CCDC148: variants seen among roughly 807,000 people sequenced by gnomAD.
CCDC148 encodes the protein coiled-coil domain-containing protein 148.
Under a neutral mutation model 85.7 loss-of-function variants are expected in CCDC148, and 89 were observed. The observed-to-expected ratio is 1.04, with a 90% CI of 0.87 to 1.24. The LOEUF is 1.24. CCDC148 is among the 50% of genes most tolerant of loss of function. The pLI, the probability that CCDC148 is intolerant of heterozygous loss-of-function variation, is 0.00. For missense variants in CCDC148, 692 were observed against 671.7 expected, an observed-to-expected ratio of 1.03 and a Z score of -0.33; for synonymous variants, 230 against 213.9, an observed-to-expected ratio of 1.08 and a Z score of -0.66.
At chr2:158,178,125 C>T (rs568552540) in intron 12 of CCDC148, 5 of 152,156 alleles carry the variant, frequency 3.3e-5, no homozygotes, top group East Asian at 1.9e-4. Context: ...GAGTACACAA[C>T]CAGCTTGTAC....
chr2:158,294,454 T>C (rs188851237), intron 9 of CCDC148, among the ~76,000 whole-genome samples: 22 of 152,248 alleles, frequency 1.4e-4, no homozygotes, highest in Middle Eastern at 3.4e-3. Context: ...ATGAGTAGGA[T>C]TGCTGGGTCA....
At chr2:158,409,611 T>C (rs762920332) in intron 1 of CCDC148, among the ~76,000 whole-genome samples, 31 of 152,212 alleles carry the variant, frequency 2.0e-4, no homozygotes, top group Non-Finnish European at 3.8e-4. Context: ...GGCTTATAGG[T>C]GGAAGGGACT....
rs189034155 is a variant in CCDC148 at position 158,366,543 on chromosome 2, C to G, written c.26-7973G>C. ...TACAGATAGCCTCCAGCTGTCACCCCCTTCAGGTTAGGACTCAGCTGCAGA... is the reference window on the plus strand; with the variant it reads ...TACAGATAGCCTCCAGCTGTCACCCGCTTCAGGTTAGGACTCAGCTGCAGA... On this transcript the variant is annotated intron_variant, in intron 1 of 13. Transcript: ENST00000283233. 1.4e-4 allele frequency among the ~76,000 whole-genome samples: 22 copies of G among 152,264 alleles called. No individual in the cohort carries two copies. In the East Asian group the frequency reaches 2.1e-3, roughly 15 times the overall value.
At chr2:158,349,878 C>T (rs1683174963) in intron 2 of CCDC148, among the ~76,000 whole-genome samples, 1 of 152,072 alleles carries the variant, frequency 6.6e-6, no homozygotes, top group Non-Finnish European at 1.5e-5. Context: ...TTTAAAAGGA[C>T]AATTCCTCAT....
intron 9 of CCDC148, among the ~76,000 whole-genome samples, chr2:158,307,571 T>G (rs1691753460): frequency 6.6e-6 from 1 of 152,212 alleles, no homozygotes; most frequent in South Asian, 2.1e-4. Flanking sequence ...CCAATAGAAA[T>G]GAATGTATAT....
intron 7 of CCDC148, among the ~76,000 whole-genome samples, chr2:158,331,593 T>C (rs1032722828): frequency 7.0e-6 from 1 of 143,822 alleles, no homozygotes; most frequent in Non-Finnish European, 1.5e-5. Context: ...ATCTGTCTAA[T>C]GTTGCCATGG....
intron 1 of CCDC148, among the ~76,000 whole-genome samples, chr2:158,401,667 C>T (rs144432246): frequency 1.1e-4 from 16 of 151,744 alleles, no homozygotes; most frequent in East Asian, 1.9e-4. Context: ...ATTGTGCTCA[C>T]GTACCCTAGA....
At chr2:158,326,215 T>G (rs1214545167) in intron 7 of CCDC148, among the ~76,000 whole-genome samples, 1 of 152,176 alleles carries the variant, frequency 6.6e-6, no homozygotes, top group Non-Finnish European at 1.5e-5. Flanking sequence ...AAACATTGAC[T>G]GGAATATTTT....
chr2:158,340,803 T>G, intron 3 of CCDC148, 123 bp from the exon 4 acceptor site: 1 of 629,438 alleles, frequency 1.6e-6, no homozygotes. Flanking sequence ...AACCATGTAC[T>G]AAATTCCTAA....
chr2:158,287,853 G>A (rs575776192), intron 9 of CCDC148, among the ~76,000 whole-genome samples: 5 of 152,262 alleles, frequency 3.3e-5, no homozygotes, highest in South Asian at 2.1e-4. Flanking sequence ...CAGCTTCAAC[G>A]CCACATTTCT....
rs574991264 is a variant in CCDC148 at position 158,283,025 on chromosome 2, G to A, written c.1110+26408C>T. ...ACAAACCTGAGAAAAACAAGCAATG[G>A]GGAAAGGATTCCCTATTTAATAAAT... is the stretch of plus-strand genomic sequence containing the variant. On this transcript the variant is annotated intron_variant, in intron 9 of 13. Coordinates refer to ENST00000283233, the MANE Select transcript of CCDC148 (RefSeq NM_138803.4). Among the ~76,000 whole-genome samples the A allele has an allele frequency of 2.1e-3, 319 of 152,256 alleles. 1 individual carries two copies. Among genetic ancestry groups the A allele is most frequent in the Non-Finnish European group, 3.7e-3 (255 of 68,030 alleles).
At chr2:158,263,425 T>C (rs1689318753) in intron 9 of CCDC148, among the ~76,000 whole-genome samples, 2 of 152,054 alleles carry the variant, frequency 1.3e-5, no homozygotes, top group African/African-American at 2.4e-5. Context: ...TTAACCACTT[T>C]ACATGTGTAT....
rs190374006 is a variant in CCDC148, at chr2:158,328,424, C to T, written c.764+10302G>A. On this transcript the variant is annotated intron_variant, in intron 7 of 13. Coordinates refer to ENST00000283233, the MANE Select transcript of CCDC148 (RefSeq NM_138803.4). ...AATCCAGTCTATCATTGTTGGACAT[C>T]TGGGTTGGTTCCAAGTCTTTGCTAT... 7.6e-3 allele frequency among the ~76,000 whole-genome samples: 1,152 copies of T among 152,202 alleles called. 20 individuals are homozygous for T. Among genetic ancestry groups the T allele is most frequent in the African/African-American group, 0.026 (1,078 of 41,530 alleles).
intron 7 of CCDC148, among the ~76,000 whole-genome samples, chr2:158,337,225 A>G (rs1682435184): frequency 6.6e-6 from 1 of 152,170 alleles, no homozygotes; most frequent in East Asian, 1.9e-4. Context: ...TAGAAACACC[A>G]CAATCTCAGC....
intron 1 of CCDC148, among the ~76,000 whole-genome samples, chr2:158,408,446 T>C (rs1041241029): frequency 2.0e-5 from 3 of 152,174 alleles, no homozygotes; most frequent in Admixed American, 6.6e-5. Context: ...TGAGTTTGAC[T>C]ATTTTAAATT....
At chr2:158,438,479 AT>A (rs1221187379) in intron 1 of CCDC148, among the ~76,000 whole-genome samples, 1 of 152,250 alleles carries the variant, frequency 6.6e-6, no homozygotes, top group Non-Finnish European at 1.5e-5. Flanking sequence ...TTAATTCAAG[AT>A]GGATTAAAGA....
chr2:158,313,930 G>A (rs1480871257), intron 7 of CCDC148, 36 bp from the exon 8 acceptor site: 1 of 1,586,542 alleles, frequency 6.3e-7, no homozygotes, highest in Admixed American at 1.8e-5. Context: ...ATATTATTGA[G>A]CAATCATGAA....
At chr2:158,207,096 C>T (rs545631843) in intron 11 of CCDC148, among the ~76,000 whole-genome samples, 1 of 152,300 alleles carries the variant, frequency 6.6e-6, no homozygotes, top group Non-Finnish European at 1.5e-5. Flanking sequence ...GATTTTCTTT[C>T]ACTATACACT....
intron 10 of CCDC148, among the ~76,000 whole-genome samples, chr2:158,245,506 A>G (rs1688533866): frequency 6.6e-6 from 1 of 152,212 alleles, no homozygotes; most frequent in African/African-American, 2.4e-5. Context: ...AAAATTAGAG[A>G]GAATTTTGAA....
Sources: allele counts gnomAD v4.1 joint callset (sites outside exome capture counted in the v4.1 genomes callset), GRCh38; gene constraint gnomAD v4.1.1; transcripts MANE v1.5; gene names NCBI Gene and HGNC (gene_info 2026-07-23, HGNC 2026-07-21).